The following EVI5L variants were observed in gnomAD, a reference collection of about 807,000 sequenced individuals.
EVI5L encodes the protein ecotropic viral integration site 5 like, also known as EVI5-like protein.
A neutral mutation model predicts 106.1 loss-of-function variants in EVI5L; 30 were observed. The ratio of observed to expected loss-of-function variants is 0.28; its 90% confidence interval spans 0.21 to 0.38. The LOEUF is 0.38. Among genes scored for constraint, EVI5L ranks in the 10% least tolerant of loss-of-function variants. EVI5L has a pLI of 1.00. For synonymous variants in EVI5L, 489 were observed against 483.3 expected (o/e 1.01, Z -0.15); for missense variants, 809 against 1,098.0 (o/e 0.74, Z 3.72).
In EVI5L at chr19:7,848,798, G is replaced by A; in HGVS notation, c.328-123G>A. 1.2e-6 allele frequency: 1 copy of A among 856,804 alleles called. No individual in the cohort carries two copies. The highest frequency in any genetic ancestry group is 1.8e-6 in the Non-Finnish European group (1 of 560,714). The allele number at this position is 856,804 out of a possible 1,614,324, so 53.1% of individuals were successfully genotyped here. Reference sequence around the variant, plus strand: ...AAAAGGGGGTAAAAAAAGGATTGGGGACCATGAGTTCTGTGCCATGCTTGA... The same window carrying A: ...AAAAGGGGGTAAAAAAAGGATTGGGAACCATGAGTTCTGTGCCATGCTTGA... On this transcript the variant is annotated intron_variant, in intron 3 of 19. Coordinates refer to ENST00000538904, the MANE Select transcript of EVI5L (RefSeq NM_001159944.3). The surrounding 1 kb of genome is among the most constrained non-coding windows in gnomAD (Gnocchi z 4.8).
chr19:7,831,483 C>A (rs1030489635), intron 1 of EVI5L, among the ~76,000 whole-genome samples: 1 of 152,142 alleles, frequency 6.6e-6, no homozygotes, highest in Non-Finnish European at 1.5e-5. Flanking sequence ...AGGAAGCCAA[C>A]TTGCCCCTCC....
At chr19:7,862,646 C>T (rs1192991194) in intron 17 of EVI5L, 112 bp downstream of exon 17, 18 of 994,318 alleles carry the variant, frequency 1.8e-5, no homozygotes, top group Non-Finnish European at 2.3e-5. Context: ...CGATCTGCCC[C>T]TGCCCGCGGT....
At chr19:7,855,689 C>T (rs1400050273) in intron 10 of EVI5L, among the ~76,000 whole-genome samples, 3 of 152,220 alleles carry the variant, frequency 2.0e-5, no homozygotes, top group African/African-American at 7.2e-5. Flanking sequence ...CCTTGGCAGA[C>T]TGACCCACGT....
intron 17 of EVI5L, among the ~76,000 whole-genome samples, 185 bp downstream of exon 17, chr19:7,862,719 AT>A (rs1979888680): frequency 1.8e-5 from 1 of 54,266 alleles, no homozygotes; most frequent in African/African-American, 6.7e-5. Context: ...CCGCCTCCTG[AT>A]CCGGCCCCGC....
intron 10 of EVI5L, among the ~76,000 whole-genome samples, chr19:7,855,050 C>T (rs542971633): frequency 2.0e-5 from 3 of 152,044 alleles, no homozygotes; most frequent in South Asian, 2.1e-4. Flanking sequence ...AGATTCAACT[C>T]GTTTGCAAAC....
intron 2 of EVI5L, 43 bp from the exon 3 acceptor site, chr19:7,847,689 C>G (rs1888592277): frequency 1.3e-6 from 2 of 1,593,806 alleles, no homozygotes; most frequent in African/African-American, 1.4e-5. Context: ...ATCCCTGTCC[C>G]CAGGGAGTCA....
chr19:7,834,834 A>G (rs1978317996), intron 1 of EVI5L, among the ~76,000 whole-genome samples: 1 of 152,164 alleles, frequency 6.6e-6, no homozygotes, highest in Non-Finnish European at 1.5e-5. Flanking sequence ...CAGATAATGA[A>G]ACTGAGGCAG....
chr19:7,853,652 C>T, intron 10 of EVI5L: 1 of 390,180 alleles, frequency 2.6e-6, no homozygotes, highest in Non-Finnish European at 4.8e-6. Flanking sequence ...AGGATGTGCA[C>T]GCGGTGGGCA....
intron 17 of EVI5L, 84 bp from the exon 18 acceptor site, chr19:7,862,876 GCCCCGCCTCCTC>G: frequency 1.2e-6 from 1 of 848,476 alleles, no homozygotes; most frequent in Non-Finnish European, 1.7e-6. Context: ...TCCGCCCGCG[GCCCCGCCTCCTC>G]ATTCGCCCCT....
chr19:7,843,187 G>A (rs1324615679), intron 1 of EVI5L, among the ~76,000 whole-genome samples: 3 of 150,238 alleles, frequency 2.0e-5, no homozygotes. Context: ...GTATGTGCAT[G>A]TGTGTGTATA....
chr19:7,863,111 GCCCGGGGCAGGAGCGGGGCCGGA>G lies in EVI5L; in HGVS notation c.2043+48_2044-48del, dbSNP rs1979930467. The G allele has an allele frequency of 1.3e-6, 2 of 1,524,588 alleles. No individual in the cohort carries two copies. Among genetic ancestry groups the G allele is most frequent in the African/African-American group, 1.4e-5 (1 of 71,000 alleles). 94.4% of individuals were successfully genotyped at this position (1,524,588 alleles called of 1,614,324 possible). A position where few individuals can be genotyped will look rare whatever the true frequency, so the allele number is the denominator to read the frequency against. On this transcript the variant is annotated intron_variant, in intron 18 of 19. Transcript: ENST00000538904. The surrounding 1 kb of genome is among the most constrained non-coding windows in gnomAD (Gnocchi z 7.7). ...GTCGGGGGGCGGGGGCGGGGGCAGG[GCCCGGGGCAGGAGCGGGGCCGGA>G]CCCCAGGCCCAGCATGGCACTGGCC...
At chr19:7,841,579 A>G (rs576467296) in intron 1 of EVI5L, among the ~76,000 whole-genome samples, 209 of 152,176 alleles carry the variant, frequency 1.4e-3, no homozygotes, top group Non-Finnish European at 2.1e-3. Context: ...TCAGCTTCCT[A>G]AGCTGTAGGT....
chr19:7,845,427 C>G lies in EVI5L; in HGVS notation c.-47-1069C>G, dbSNP rs948342041. Among the ~76,000 whole-genome samples, 4 of 152,224 alleles carry G rather than the reference C, an allele frequency of 2.6e-5. No individual in the cohort carries two copies. The highest frequency in any genetic ancestry group is 4.4e-5 in the Non-Finnish European group (3 of 68,040). On this transcript the variant is annotated intron_variant, in intron 1 of 19. Coordinates refer to ENST00000538904, the MANE Select transcript of EVI5L (RefSeq NM_001159944.3). This position sits in a 1 kb window ranked among gnomAD's most constrained non-coding sequence, Gnocchi z 4.0. Reference sequence around the variant, plus strand: ...TCCCCACACAGGCCACAGCAGAACCCAGGAGCCCTGGCTCCAGGATGGACA... The same window carrying G: ...TCCCCACACAGGCCACAGCAGAACCGAGGAGCCCTGGCTCCAGGATGGACA...
chr19:7,858,411 T>C lies in EVI5L; in HGVS notation c.1374+80T>C. On this transcript the variant is annotated intron_variant, in intron 13 of 19. Coordinates refer to ENST00000538904, the MANE Select transcript of EVI5L (RefSeq NM_001159944.3). The surrounding 1 kb of genome is among the most constrained non-coding windows in gnomAD (Gnocchi z 5.7). ...CCGCCCAACGGTTTTCTTTCAGGGC[T>C]CATAATCTGCCCCGCCTCAGCACCT... The C allele has an allele frequency of 2.7e-6, 4 of 1,460,186 alleles. No homozygotes were observed. The highest frequency in any genetic ancestry group is 1.4e-5 in the South Asian group (1 of 74,018). The allele number at this position is 1,460,186 out of a possible 1,614,324, so 90.5% of individuals were successfully genotyped here.
At chr19:7,853,374 C>T in intron 10 of EVI5L, 41 bp downstream of exon 10, 1 of 1,584,334 alleles carries the variant, frequency 6.3e-7, no homozygotes, top group Non-Finnish European at 8.6e-7. Flanking sequence ...GGATGGGAGG[C>T]CTTTGGGGGC....
chr19:7,838,163 C>T (rs1978435659), intron 1 of EVI5L, among the ~76,000 whole-genome samples: 1 of 150,670 alleles, frequency 6.6e-6, no homozygotes, highest in Non-Finnish European at 1.5e-5. Context: ...GGCTGGAGTG[C>T]AGTCGTGCAA....
intron 1 of EVI5L, among the ~76,000 whole-genome samples, chr19:7,831,226 A>ACAC (rs1978292117): frequency 1.5e-5 from 2 of 130,364 alleles, no homozygotes; most frequent in Non-Finnish European, 3.3e-5. Flanking sequence ...GAAAACCCCA[A>ACAC]ACACACACAC....
Position 7,860,619 on chromosome 19 carries a change from C to T in EVI5L, c.1433C>T (p.Ser478Leu). The T allele has an allele frequency of 6.2e-7, 1 of 1,600,224 alleles. No individual in the cohort carries two copies. Among genetic ancestry groups the T allele is most frequent in the Non-Finnish European group, 8.5e-7 (1 of 1,173,698 alleles). The change falls in exon 14 of 20, where the codon TCG becomes TTG. Residue 478 changes from serine (S) to leucine (L), a missense_variant. Ser to Leu is a moderately radical substitution (Grantham distance 145). Coordinates refer to ENST00000538904, the MANE Select transcript of EVI5L (RefSeq NM_001159944.3). ...VSHLETELEQ[S>L]RLRETETLGA... Reference sequence around the variant, plus strand: ...CACCTGGAGACCGAGCTGGAGCAGTCGAGGCTGCGGGAGACGGAGACACTG... The same window carrying T: ...CACCTGGAGACCGAGCTGGAGCAGTTGAGGCTGCGGGAGACGGAGACACTG...
intron 8 of EVI5L, 85 bp from the exon 9 acceptor site, chr19:7,853,001 C>A (rs887684825): frequency 1.5e-6 from 2 of 1,375,666 alleles, no homozygotes; most frequent in Non-Finnish European, 2.1e-6. Flanking sequence ...CGTTCCTGCC[C>A]CCCTCCAGGG....
Sources: gnomAD v4.1 joint callset for allele counts (sites outside exome capture counted in the v4.1 genomes callset) on GRCh38, gnomAD v4.1.1 for gene constraint, Gnocchi (gnomAD v3.1) non-coding constraint, MANE v1.5 for transcripts, NCBI Gene and HGNC (gene_info 2026-07-23, HGNC 2026-07-21) for gene names.